MIPOL1: variants seen among roughly 807,000 people sequenced by gnomAD.
The protein encoded by MIPOL1 is mirror-image polydactyly 1, also known as mirror-image polydactyly gene 1 protein.
MIPOL1 carries 57 observed loss-of-function variants against 60.9 expected under a neutral mutation model. That is an observed-to-expected ratio of 0.94 (90% CI 0.76 to 1.17). The LOEUF (loss-of-function observed/expected upper bound fraction) is 1.17, where lower values mean the gene tolerates loss of function less well. Among genes scored for constraint, MIPOL1 ranks in the 50% most tolerant of loss-of-function variants. The pLI, the probability that MIPOL1 is intolerant of heterozygous loss-of-function variation, is 0.00. For missense variants in MIPOL1, 551 were observed against 511.6 expected, an observed-to-expected ratio of 1.08 and a Z score of -0.74; for synonymous variants, 179 against 168.8, an observed-to-expected ratio of 1.06 and a Z score of -0.47.
intron 12 of MIPOL1, among the ~76,000 whole-genome samples, chr14:37,539,833 G>A (rs781089387): frequency 6.6e-6 from 1 of 152,072 alleles, no homozygotes; most frequent in Non-Finnish European, 1.5e-5. Context: ...GATGTGATTT[G>A]GCTGTGTCCC....
At chr14:37,509,355 C>CAA (rs973079431) in intron 12 of MIPOL1, among the ~76,000 whole-genome samples, 5 of 151,896 alleles carry the variant, frequency 3.3e-5, no homozygotes, top group African/African-American at 1.2e-4. Flanking sequence ...CACATACACA[C>CAA]ACACACAGAC....
chr14:37,341,655 A>G (rs2090583901), intron 9 of MIPOL1, among the ~76,000 whole-genome samples: 1 of 152,146 alleles, frequency 6.6e-6, no homozygotes, highest in Non-Finnish European at 1.5e-5. Flanking sequence ...GTGTTGCCCA[A>G]GCTGGTTTTG....
intron 11 of MIPOL1, among the ~76,000 whole-genome samples, chr14:37,477,444 G>C (rs900945256): frequency 1.3e-5 from 2 of 151,846 alleles, no homozygotes; most frequent in Non-Finnish European, 2.9e-5. Flanking sequence ...TATGAGTTTT[G>C]GTAGTTTGTG....
At chr14:37,361,907 T>C (rs1214596694) in intron 9 of MIPOL1, among the ~76,000 whole-genome samples, 1 of 152,184 alleles carries the variant, frequency 6.6e-6, no homozygotes, top group East Asian at 1.9e-4. Context: ...TGGTTTAAAG[T>C]CTGTTTTATC....
At chr14:37,512,449 G>T (rs1483236223) in intron 12 of MIPOL1, among the ~76,000 whole-genome samples, 1 of 149,562 alleles carries the variant, frequency 6.7e-6, no homozygotes, top group Non-Finnish European at 1.5e-5. Context: ...CTGGGAAGAG[G>T]AACAGAGCAT....
At chr14:37,297,672 G>C (rs1275994747) in intron 7 of MIPOL1, among the ~76,000 whole-genome samples, 2 of 148,318 alleles carry the variant, frequency 1.3e-5, no homozygotes. Context: ...CAGACAAACA[G>C]AGAGCCAAAT....
At chr14:37,233,888 G>A (rs948740599) in intron 1 of MIPOL1, among the ~76,000 whole-genome samples, 3 of 152,154 alleles carry the variant, frequency 2.0e-5, no homozygotes, top group Non-Finnish European at 4.4e-5. Context: ...TTAAAAAACT[G>A]TTGCCATGGC....
intron 11 of MIPOL1, among the ~76,000 whole-genome samples, chr14:37,483,341 C>T (rs2094902282): frequency 6.6e-6 from 1 of 152,006 alleles, no homozygotes; most frequent in Non-Finnish European, 1.5e-5. Context: ...TCTCAAACTC[C>T]TGGGCTCAAG....
intron 11 of MIPOL1, among the ~76,000 whole-genome samples, chr14:37,493,111 T>G (rs1355461603): frequency 6.6e-6 from 1 of 152,148 alleles, no homozygotes; most frequent in Non-Finnish European, 1.5e-5. Flanking sequence ...TGTAGGATGA[T>G]GAGTAAAATG....
intron 11 of MIPOL1, chr14:37,423,596 T>C (rs1246083879): frequency 6.6e-6 from 1 of 152,032 alleles, no homozygotes; most frequent in African/African-American, 2.4e-5. Flanking sequence ...CAGTGGATCA[T>C]GGTAGAAAAC....
chr14:37,363,447 C>T (rs2092356961), intron 9 of MIPOL1, among the ~76,000 whole-genome samples: 1 of 152,164 alleles, frequency 6.6e-6, no homozygotes, highest in African/African-American at 2.4e-5. Context: ...GTGGAGGCTG[C>T]AGAACAGTAA....
intron 10 of MIPOL1, among the ~76,000 whole-genome samples, chr14:37,376,455 C>T (rs2092779355): frequency 6.6e-6 from 1 of 151,952 alleles, no homozygotes. Flanking sequence ...TAGTAATATG[C>T]ATTTAAAATT....
intron 6 of MIPOL1, among the ~76,000 whole-genome samples, chr14:37,273,896 C>T (rs2083464176): frequency 6.6e-6 from 1 of 151,476 alleles, no homozygotes; most frequent in Admixed American, 6.6e-5. Context: ...AGTTGTGTCT[C>T]AAATTAATAT....
intron 1 of MIPOL1, among the ~76,000 whole-genome samples, chr14:37,236,002 C>G (rs1212679908): frequency 6.6e-6 from 1 of 151,926 alleles, no homozygotes; most frequent in African/African-American, 2.4e-5. Flanking sequence ...TCTCGGCTCA[C>G]TGCAACCTCC....
At chr14:37,509,454 C>G (rs1043724666) in intron 12 of MIPOL1, among the ~76,000 whole-genome samples, 1 of 151,852 alleles carries the variant, frequency 6.6e-6, no homozygotes, top group African/African-American at 2.4e-5. Context: ...AGCAAACATA[C>G]TTCCCCCAAA....
chr14:37,237,462 T>G (rs1971669039), intron 1 of MIPOL1, among the ~76,000 whole-genome samples: 1 of 152,160 alleles, frequency 6.6e-6, no homozygotes, highest in Non-Finnish European at 1.5e-5. Context: ...CTGTAAACCT[T>G]TGACTATTTT....
chr14:37,297,720 A>G (rs1199576744), intron 7 of MIPOL1, among the ~76,000 whole-genome samples: 2 of 152,148 alleles, frequency 1.3e-5, no homozygotes, highest in African/African-American at 2.4e-5. Flanking sequence ...TTCAAAGAGA[A>G]TAAAATACCT....
chr14:37,331,585 A>C (rs2089694209), intron 9 of MIPOL1, among the ~76,000 whole-genome samples: 1 of 151,398 alleles, frequency 6.6e-6, no homozygotes, highest in Non-Finnish European at 1.5e-5. Context: ...CTGTTGGCAT[A>C]TAGAAATGCT....
At chr14:37,504,917 G>C (rs2095260805) in intron 12 of MIPOL1, 1 of 151,894 alleles carries the variant, frequency 6.6e-6, no homozygotes, top group Non-Finnish European at 1.5e-5. Context: ...ATGACAAAGG[G>C]GATATCACCA....
Sources: allele counts gnomAD v4.1 joint callset (sites outside exome capture counted in the v4.1 genomes callset), GRCh38; gene constraint gnomAD v4.1.1; transcripts MANE v1.5; gene names NCBI Gene and HGNC (gene_info 2026-07-23, HGNC 2026-07-21).